MADD: variants seen among roughly 807,000 people sequenced by gnomAD.
MADD encodes MAP kinase-activating death domain protein.
Under a neutral mutation model 176.7 loss-of-function variants are expected in MADD, and 109 were observed. The observed-to-expected ratio is 0.62, with a 90% CI of 0.53 to 0.72. The LOEUF is 0.72. Ranked by LOEUF, MADD falls within the 30% of genes least tolerant of loss-of-function variation. The pLI is 0.00. For synonymous variants in MADD, 771 were observed against 771.3 expected, an observed-to-expected ratio of 1.00 and a Z score of 0.01; for missense variants, 1,914 against 2,045.5, an observed-to-expected ratio of 0.94 and a Z score of 1.24.
intron 26 of MADD, among the ~76,000 whole-genome samples, chr11:47,314,935 T>G (rs927958026): frequency 1.3e-5 from 2 of 152,080 alleles, no homozygotes; most frequent in Non-Finnish European, 2.9e-5. Context: ...TTAATTGTTT[T>G]TATAATTAAT....
intron 25 of MADD, among the ~76,000 whole-genome samples, chr11:47,311,530 A>T (rs2089205082): frequency 6.6e-6 from 1 of 152,182 alleles, no homozygotes. Flanking sequence ...TGCAGAAGCT[A>T]ACTAGAGACA....
intron 22 of MADD, among the ~76,000 whole-genome samples, chr11:47,299,475 A>G (rs1001266779): frequency 3.5e-5 from 5 of 142,260 alleles, no homozygotes. Context: ...TTTTTCTGCT[A>G]TTTTATTGTT....
At chr11:47,289,009 G>A (rs371188923) in intron 15 of MADD, 7 of 1,594,102 alleles carry the variant, frequency 4.4e-6, no homozygotes, top group South Asian at 3.5e-5. Context: ...TACTGAAGCC[G>A]GCCCCGGGAG....
intron 31 of MADD, chr11:47,327,921 C>CG: frequency 8.1e-6 from 8 of 985,276 alleles, no homozygotes; most frequent in Non-Finnish European, 9.6e-6. Context: ...ATGGCTGGAG[C>CG]GGGGGGACTC....
In MADD at chr11:47,329,127, C is replaced by T. The variant is rs371641906; in HGVS notation, c.4741C>T (p.Pro1581Ser). Reference sequence around the variant, plus strand: ...TAGCAGTGAGGAAGATCTCAGAACCCCGCCCCGGCCTGTCTCTAGCTGATG... The same window carrying T: ...TAGCAGTGAGGAAGATCTCAGAACCTCGCCCCGGCCTGTCTCTAGCTGATG... Residue 1581 changes from proline to serine, a missense_variant, in exon 33 of 33, where the codon CCG (proline) becomes TCG (serine). Transcript: ENST00000402192. 4 of 1,613,964 alleles carry T rather than the reference C, an allele frequency of 2.5e-6. No homozygotes were observed. The African/African-American group carries it at 5.3e-5, about 22-fold the overall frequency.
Position 47,282,978 on chromosome 11 carries a change from C to T in MADD, c.1862+9C>T, listed in dbSNP as rs781436084. The T allele has an allele frequency of 1.2e-6, 2 of 1,610,050 alleles. No homozygotes were observed. The highest frequency in any genetic ancestry group is 2.2e-5 in the South Asian group (2 of 90,966). On this transcript the variant is annotated intron_variant, in intron 10 of 32. Transcript: ENST00000402192. ...GAACCTACTGATGATAGGTGAGCAT[C>T]CTTAGGGCAGCAAAAAGGTTTTAAA... is the stretch of plus-strand genomic sequence containing the variant.
intron 4 of MADD, 46 bp downstream of exon 4, chr11:47,276,248 A>C (rs2049711894): frequency 6.5e-7 from 1 of 1,534,100 alleles, no homozygotes; most frequent in Non-Finnish European, 8.8e-7. Flanking sequence ...AAACTCTTAA[A>C]TATGCCAGTG....
intron 31 of MADD, 88 bp downstream of exon 35, chr11:47,326,895 G>A: frequency 4.4e-6 from 7 of 1,574,388 alleles, no homozygotes; most frequent in Non-Finnish European, 6.0e-6. Flanking sequence ...GGGGCAGGGA[G>A]AAGAAGAACC....
At position 47,309,383 on chromosome 11, in the gene MADD, C is replaced by G. The variant is rs767707979; in HGVS notation, c.3854C>G (p.Pro1285Arg). 6 of 1,614,108 alleles carry G rather than the reference C, an allele frequency of 3.7e-6. No individual in the cohort carries two copies. The highest frequency in any genetic ancestry group is 3.4e-6 in the Non-Finnish European group (4 of 1,180,026). The stretch of plus-strand genomic sequence containing the variant: ...GAAGGGATGGGTATGGACCAGGGTC[C>G]CCAGGAAATGATCGACAGGTATGGG... Residue 1285 changes from proline (P) to arginine (R), a missense_variant, in exon 24 of 33, where the codon CCC (proline) becomes CGC (arginine). Physicochemically the swap from Pro to Arg is moderately radical, Grantham distance 103. Around this residue, in one of 2 missense-constraint regions of MADD, gnomAD observed 1,767 missense variants for 1,836.0 expected, o/e 0.96. Coordinates refer to ENST00000402192, the Ensembl canonical transcript of MADD.
chr11:47,276,637 G>A (rs779924112), intron 4 of MADD, 95 bp from the exon 5 acceptor site: 130 of 1,477,478 alleles, frequency 8.8e-5, no homozygotes, highest in Non-Finnish European at 1.2e-4. Context: ...CTGTAGGCTC[G>A]ATGAAGTGGA....
chr11:47,328,689 G>A (rs1196841633), exon 32 of MADD: 6 of 1,614,260 alleles, frequency 3.7e-6, no homozygotes, highest in Non-Finnish European at 4.2e-6. Flanking sequence ...TGAGCCACAA[G>A]TACAAGACAC....
intron 31 of MADD, 183 bp downstream of exon 35, chr11:47,326,990 A>G (rs2095515585): frequency 7.3e-7 from 1 of 1,371,364 alleles, no homozygotes. Flanking sequence ...AGGGAAAGAT[A>G]GATAATGGAT....
chr11:47,305,078 G>A (rs2081521432), intron 22 of MADD, among the ~76,000 whole-genome samples: 1 of 152,060 alleles, frequency 6.6e-6, no homozygotes, highest in Non-Finnish European at 1.5e-5. Context: ...TGGCAGTGGT[G>A]GTATATGTTG....
intron 1 of MADD, chr11:47,270,884 C>T (rs1257224291): frequency 6.6e-6 from 1 of 152,302 alleles, no homozygotes; most frequent in Non-Finnish European, 1.5e-5. Context: ...AGGTCACTGC[C>T]TGGGGAGGTA....
At chr11:47,298,721 G>C (rs936149671) in intron 22 of MADD, among the ~76,000 whole-genome samples, 1 of 152,054 alleles carries the variant, frequency 6.6e-6, no homozygotes, top group Non-Finnish European at 1.5e-5. Flanking sequence ...TTTGTTGCCT[G>C]TACTTTTGAG....
intron 15 of MADD, among the ~76,000 whole-genome samples, chr11:47,286,799 G>A (rs1468640050): frequency 6.6e-6 from 1 of 152,180 alleles, no homozygotes; most frequent in Non-Finnish European, 1.5e-5. Flanking sequence ...CCCTGTCAGG[G>A]TATATGATTA....
At chr11:47,283,833 A>C (rs1332903844) in intron 10 of MADD, among the ~76,000 whole-genome samples, 1 of 152,166 alleles carries the variant, frequency 6.6e-6, no homozygotes, top group African/African-American at 2.4e-5. Context: ...TCGGCCTCCC[A>C]AAGTGCTAGG....
intron 22 of MADD, among the ~76,000 whole-genome samples, chr11:47,298,686 A>G (rs575043021): frequency 2.6e-5 from 4 of 152,220 alleles, no homozygotes; most frequent in Admixed American, 6.5e-5. Context: ...TTTTAGTTTA[A>G]TATAATCCTG....
chr11:47,299,407 AT>A (rs1397428625), intron 22 of MADD, among the ~76,000 whole-genome samples: 1 of 151,792 alleles, frequency 6.6e-6, no homozygotes, highest in African/African-American at 2.4e-5. Context: ...TCTCCTAAGA[AT>A]TTATTCTTAG....
Sources: gnomAD v4.1 joint callset for allele counts (sites outside exome capture counted in the v4.1 genomes callset) on GRCh38, gnomAD v4.1.1 for gene constraint, gnomAD v4.1.1 regional missense constraint, MANE v1.5 for transcripts, NCBI Gene and HGNC (gene_info 2026-07-23, HGNC 2026-07-21) for gene names.